Variants in GAS2 observed in about 807,000 individuals in gnomAD.
GAS2 encodes growth arrest-specific protein 2.
GAS2 carries 20 observed loss-of-function variants against 37.5 expected under a neutral mutation model. The observed-to-expected ratio is 0.53, with a 90% CI of 0.37 to 0.77. The LOEUF (loss-of-function observed/expected upper bound fraction) is 0.77, where lower values mean the gene tolerates loss of function less well. GAS2 is among the 30% of genes least tolerant of loss of function. The pLI is 0.00. For synonymous variants in GAS2, 144 were observed against 132.2 expected, an observed-to-expected ratio of 1.09 and a Z score of -0.61; for missense variants, 336 against 373.4, an observed-to-expected ratio of 0.90 and a Z score of 0.82.
intron 1 of GAS2, among the ~76,000 whole-genome samples, chr11:22,655,461 C>T (rs1390725348): frequency 6.6e-6 from 1 of 152,122 alleles, no homozygotes; most frequent in Non-Finnish European, 1.5e-5. Context: ...AAAAAGGAAG[C>T]ATTCCAAAAA....
intron 3 of GAS2, among the ~76,000 whole-genome samples, chr11:22,717,315 C>A (rs1851729727): frequency 6.6e-6 from 1 of 152,076 alleles, no homozygotes; most frequent in South Asian, 2.1e-4. Flanking sequence ...ACCAATGGAA[C>A]AAAATATATA....
chr11:22,772,310 G>A (rs575890337), intron 7 of GAS2, among the ~76,000 whole-genome samples: 2 of 152,228 alleles, frequency 1.3e-5, no homozygotes, highest in East Asian at 3.9e-4. Context: ...GTGTCACTTG[G>A]TTCAAGAGGA....
At chr11:22,635,328 A>T (rs893724764) in intron 1 of GAS2, among the ~76,000 whole-genome samples, 1 of 152,160 alleles carries the variant, frequency 6.6e-6, no homozygotes, top group Non-Finnish European at 1.5e-5. Flanking sequence ...CTTCTGAGGG[A>T]ACATTCCAGG....
chr11:22,778,808 G>A (rs1239298984), intron 7 of GAS2, among the ~76,000 whole-genome samples: 1 of 151,844 alleles, frequency 6.6e-6, no homozygotes, highest in Admixed American at 6.6e-5. Flanking sequence ...TGTTGAAACT[G>A]TGTATGTGTG....
intron 3 of GAS2, among the ~76,000 whole-genome samples, chr11:22,687,395 A>G (rs1030982879): frequency 2.6e-5 from 4 of 152,260 alleles, no homozygotes; most frequent in African/African-American, 9.6e-5. Context: ...ATTTAATCCC[A>G]TAGGGTGAAA....
At chr11:22,673,434 C>T (rs7930898) in intron 1 of GAS2, among the ~76,000 whole-genome samples, 93,534 of 152,098 alleles carry the variant, frequency 0.61, 30,282 homozygotes, top group East Asian at 0.83. Context: ...TAAACATTAC[C>T]TCTTGCCTAT....
chr11:22,690,790 T>C (rs1461914250), intron 3 of GAS2, among the ~76,000 whole-genome samples: 6 of 152,156 alleles, frequency 3.9e-5, no homozygotes, highest in African/African-American at 1.4e-4. Flanking sequence ...GGGGAATTGT[T>C]ACATTTATGC....
intron 5 of GAS2, among the ~76,000 whole-genome samples, chr11:22,739,045 A>G (rs1321834476): frequency 6.6e-6 from 1 of 152,164 alleles, no homozygotes; most frequent in Admixed American, 6.5e-5. Context: ...TGGTCCTTTC[A>G]GATGTCTACT....
At chr11:22,716,192 T>C (rs1225598962) in intron 3 of GAS2, among the ~76,000 whole-genome samples, 1 of 152,156 alleles carries the variant, frequency 6.6e-6, no homozygotes, top group Non-Finnish European at 1.5e-5. Context: ...GGACATACCT[T>C]AAGTTAATAA....
chr11:22,689,647 T>C (rs1371661898), intron 3 of GAS2, among the ~76,000 whole-genome samples: 1 of 152,232 alleles, frequency 6.6e-6, no homozygotes, highest in African/African-American at 2.4e-5. Flanking sequence ...AAAAGACTTA[T>C]GAGATTGTAA....
intron 4 of GAS2, among the ~76,000 whole-genome samples, chr11:22,736,016 A>AG (rs1380433492): frequency 6.6e-6 from 1 of 151,446 alleles, no homozygotes; most frequent in Non-Finnish European, 1.5e-5. Flanking sequence ...AAAAAAAAAA[A>AG]AAGTCTGAAT....
intron 1 of GAS2, among the ~76,000 whole-genome samples, chr11:22,649,092 T>C (rs1401125596): frequency 6.6e-6 from 1 of 152,172 alleles, no homozygotes; most frequent in African/African-American, 2.4e-5. Context: ...ATACGTCCCA[T>C]CAATACCTAA....
intron 2 of GAS2, among the ~76,000 whole-genome samples, chr11:22,685,186 C>G (rs1307790669): frequency 6.6e-6 from 1 of 151,982 alleles, no homozygotes; most frequent in Non-Finnish European, 1.5e-5. Flanking sequence ...GAGCGAGAGA[C>G]CTACGGCGTT....
intron 6 of GAS2, among the ~76,000 whole-genome samples, chr11:22,751,008 C>T (rs994615086): frequency 6.6e-6 from 1 of 151,836 alleles, no homozygotes; most frequent in African/African-American, 2.4e-5. Flanking sequence ...CACTGTTGAC[C>T]ACTCCATTCT....
intron 1 of GAS2, among the ~76,000 whole-genome samples, chr11:22,653,043 T>TTCTTTCTTTCTTTCTTTC (rs1848812431): frequency 6.7e-6 from 1 of 149,048 alleles, no homozygotes; most frequent in Non-Finnish European, 1.5e-5. Flanking sequence ...TTCTCTTTCT[T>TTCTTTCTTTCTTTCTTTC]TCTTTCTTTG....
intron 3 of GAS2, among the ~76,000 whole-genome samples, chr11:22,691,112 G>C (rs559239217): frequency 6.6e-6 from 1 of 152,254 alleles, no homozygotes; most frequent in East Asian, 1.9e-4. Flanking sequence ...AGCAGATGAA[G>C]GAGGGGGCGG....
At chr11:22,737,889 CGAT>C (rs1852841288) in intron 5 of GAS2, 121 bp downstream of exon 5, 1 of 861,016 alleles carries the variant, frequency 1.2e-6, no homozygotes, top group Admixed American at 2.0e-5. Context: ...TACTCATTCA[CGAT>C]GATAATATGA....
At chr11:22,789,303 TACACACACACACAC>T (rs201918939) in intron 7 of GAS2, among the ~76,000 whole-genome samples, 2 of 111,120 alleles carry the variant, frequency 1.8e-5, no homozygotes, top group African/African-American at 3.7e-5. Flanking sequence ...TATATATATA[TACACACACACACAC>T]ACACACACAC....
intron 7 of GAS2, among the ~76,000 whole-genome samples, chr11:22,797,610 A>T (rs1856491820): frequency 6.6e-6 from 1 of 152,056 alleles, no homozygotes; most frequent in African/African-American, 2.4e-5. Flanking sequence ...TGAGCTACCC[A>T]CTTAACCACT....
Sources: allele counts gnomAD v4.1 joint callset (sites outside exome capture counted in the v4.1 genomes callset), GRCh38; gene constraint gnomAD v4.1.1; transcripts MANE v1.5; gene names NCBI Gene and HGNC (gene_info 2026-07-23, HGNC 2026-07-21).